The following NEK10 variants were observed in gnomAD, a reference collection of about 807,000 sequenced individuals.
The protein encoded by NEK10 is serine/threonine-protein kinase Nek10.
Under a neutral mutation model 159.8 loss-of-function variants are expected in NEK10, and 122 were observed. The ratio of observed to expected loss-of-function variants is 0.76; its 90% CI spans 0.66 to 0.89. The LOEUF (loss-of-function observed/expected upper bound fraction) is 0.89. Among genes scored for constraint, NEK10 ranks in the 40% least tolerant of loss-of-function variants. The pLI is 0.00. For missense variants in NEK10, 1,342 were observed against 1,323.1 expected (o/e 1.01, Z -0.22); for synonymous variants, 466 against 457.1 (o/e 1.02, Z -0.25).
intron 28 of NEK10, among the ~76,000 whole-genome samples, chr3:27,173,526 C>T (rs1947209758): frequency 1.3e-5 from 2 of 152,094 alleles, no homozygotes; most frequent in Admixed American, 6.5e-5. Flanking sequence ...TGGGGTTGTC[C>T]CAGAAAATAT....
chr3:27,249,019 A>T (rs1451588755), intron 23 of NEK10, among the ~76,000 whole-genome samples: 1 of 152,162 alleles, frequency 6.6e-6, no homozygotes, highest in East Asian at 1.9e-4. Flanking sequence ...CTTGAATTGT[A>T]ATCCCTATAA....
intron 30 of NEK10, chr3:27,162,332 A>G: frequency 6.9e-7 from 1 of 1,449,058 alleles, no homozygotes; most frequent in African/African-American, 1.4e-5. Flanking sequence ...TGGTGAACAA[A>G]CAAGGCAGAA....
At chr3:27,327,270 G>GA (rs1253365601) in intron 5 of NEK10, among the ~76,000 whole-genome samples, 3 of 152,164 alleles carry the variant, frequency 2.0e-5, no homozygotes, top group Admixed American at 2.0e-4. Flanking sequence ...TGGCATGGGG[G>GA]CAGCCCTGAG....
chr3:27,199,226 T>C (rs769754555), intron 25 of NEK10, among the ~76,000 whole-genome samples: 1 of 152,192 alleles, frequency 6.6e-6, no homozygotes, highest in Non-Finnish European at 1.5e-5. Flanking sequence ...GACAAAGGTC[T>C]AATATGCAGT....
chr3:27,162,982 C>A (rs924978949), intron 29 of NEK10, among the ~76,000 whole-genome samples: 1 of 151,830 alleles, frequency 6.6e-6, no homozygotes, highest in South Asian at 2.1e-4. Context: ...TGACTAAGAG[C>A]CTAAATTTTA....
At chr3:27,294,648 T>C (rs370033556) in intron 15 of NEK10, among the ~76,000 whole-genome samples, 21 of 152,138 alleles carry the variant, frequency 1.4e-4, no homozygotes, top group Admixed American at 5.2e-4. Context: ...CAAAAACCCC[T>C]GCCTGCCAGC....
intron 30 of NEK10, among the ~76,000 whole-genome samples, chr3:27,154,592 G>A (rs1455278464): frequency 6.6e-6 from 1 of 152,062 alleles, no homozygotes; most frequent in African/African-American, 2.4e-5. Flanking sequence ...CAAAAAGACA[G>A]TCCACGATAA....
At chr3:27,307,380 T>C (rs2044324826) in intron 11 of NEK10, among the ~76,000 whole-genome samples, 1 of 152,194 alleles carries the variant, frequency 6.6e-6, no homozygotes, top group African/African-American at 2.4e-5. Context: ...TAGAACAATA[T>C]GCAGTTCAAG....
intron 22 of NEK10, among the ~76,000 whole-genome samples, chr3:27,281,732 A>G (rs2042173927): frequency 6.6e-6 from 1 of 152,146 alleles, no homozygotes; most frequent in African/African-American, 2.4e-5. Flanking sequence ...AATGGAGTCT[A>G]CAATCGGAAG....
At chr3:27,220,006 TTAAC>T (rs1951927373) in intron 23 of NEK10, among the ~76,000 whole-genome samples, 1 of 152,112 alleles carries the variant, frequency 6.6e-6, no homozygotes, top group African/African-American at 2.4e-5. Flanking sequence ...AGGGATAAAT[TTAAC>T]AAAGAAAGTA....
chr3:27,188,855 G>C (rs1242698698), intron 26 of NEK10, among the ~76,000 whole-genome samples: 1 of 152,120 alleles, frequency 6.6e-6, no homozygotes, highest in Non-Finnish European at 1.5e-5. Flanking sequence ...TGTTGGAAAA[G>C]ATATAAGCAG....
chr3:27,241,406 T>C (rs746070725), intron 23 of NEK10, among the ~76,000 whole-genome samples: 1 of 152,182 alleles, frequency 6.6e-6, no homozygotes, highest in Non-Finnish European at 1.5e-5. Context: ...GGATTTTCTT[T>C]AATCTCATGA....
intron 23 of NEK10, among the ~76,000 whole-genome samples, chr3:27,247,526 GTTTAT>G (rs577843384): frequency 2.8e-4 from 43 of 152,032 alleles, no homozygotes; most frequent in African/African-American, 4.1e-4. Context: ...CTAGAATTTT[GTTTAT>G]TTTATTTTAT....
chr3:27,313,260 A>G (rs2044855349), intron 7 of NEK10, among the ~76,000 whole-genome samples: 1 of 147,330 alleles, frequency 6.8e-6, no homozygotes, highest in South Asian at 2.2e-4. Flanking sequence ...GTGAGACCCT[A>G]TCTCAAAAAA....
intron 24 of NEK10, among the ~76,000 whole-genome samples, chr3:27,201,980 G>T (rs1950090185): frequency 6.9e-6 from 1 of 145,124 alleles, no homozygotes; most frequent in Admixed American, 6.9e-5. Context: ...CCAACATGGT[G>T]AAACCTAAAA....
rs769255852 is a variant in NEK10, at chr3:27,297,250, CA to C, written c.1169-11del. On this transcript the variant is annotated splice_polypyrimidine_tract_variant and intron_variant, in intron 13 of 35. Transcript: ENST00000691995. The stretch of plus-strand genomic sequence containing the variant: ...AGGGCAGCACAGCAGGCTGGAATGA[CA>C]ACAATCAAATGCATAGTGTGCATCA... 2.5e-6 allele frequency: 4 copies of C among 1,600,776 alleles called. No homozygotes were observed. The East Asian group carries it at 8.9e-5, about 36-fold the overall frequency.
chr3:27,303,959 T>C (rs2044035398), intron 12 of NEK10, among the ~76,000 whole-genome samples: 1 of 152,354 alleles, frequency 6.6e-6, no homozygotes, highest in Middle Eastern at 3.4e-3. Flanking sequence ...TTATACTTTA[T>C]AACAATATTA....
At chr3:27,177,996 G>A (rs1273351210) in intron 26 of NEK10, among the ~76,000 whole-genome samples, 2 of 152,084 alleles carry the variant, frequency 1.3e-5, no homozygotes, top group Non-Finnish European at 2.9e-5. Flanking sequence ...TTTGGCATCT[G>A]CATGCATCTA....
chr3:27,288,982 G>C (rs1209740311), intron 19 of NEK10, among the ~76,000 whole-genome samples: 1 of 152,168 alleles, frequency 6.6e-6, no homozygotes, highest in Non-Finnish European at 1.5e-5. Context: ...CTACCACTCA[G>C]TTCTGACCTG....
Sources: allele counts gnomAD v4.1 joint callset (sites outside exome capture counted in the v4.1 genomes callset), GRCh38; gene constraint gnomAD v4.1.1; transcripts MANE v1.5; gene names NCBI Gene and HGNC (gene_info 2026-07-23, HGNC 2026-07-21).